Variants in CCN4 observed in about 807,000 individuals in gnomAD.
The protein encoded by CCN4 is cellular communication network factor 4, also known as CCN family member 4.
Under a neutral mutation model 36.7 loss-of-function variants are expected in CCN4, and 30 were observed. That is an observed-to-expected ratio of 0.82 (90% CI 0.61 to 1.11). The LOEUF (loss-of-function observed/expected upper bound fraction) is 1.11, where lower values mean the gene tolerates loss of function less well. CCN4 is among the 50% of genes least tolerant of loss of function. The probability of loss-of-function intolerance (pLI) is 0.00; values close to 1 mark genes in which losing one functional copy is unlikely to be tolerated. For missense variants in CCN4, 505 were observed against 504.9 expected, an observed-to-expected ratio of 1.00 and a Z score of 0.00; for synonymous variants, 191 against 195.4, an observed-to-expected ratio of 0.98 and a Z score of 0.19.
At chr8:133,199,059 T>G (rs548077817) in intron 1 of CCN4, among the ~76,000 whole-genome samples, 1 of 152,180 alleles carries the variant, frequency 6.6e-6, no homozygotes, top group African/African-American at 2.4e-5. Flanking sequence ...GGAACACCAC[T>G]GATTTTTTTT....
Position 133,227,882 on chromosome 8 carries a change from C to T in CCN4, c.*172C>T. On this transcript the variant is annotated 3_prime_UTR_variant, in exon 5 of 5. Coordinates refer to ENST00000250160, the MANE Select transcript of CCN4 (RefSeq NM_003882.4). ...CCTGATGGTGCTGCTCAGGCCCATG[C>T]TATGAGTTTTCTCCTTGATATCATT... 1 of 717,296 alleles carries T rather than the reference C, an allele frequency of 1.4e-6. No homozygotes were observed. Among genetic ancestry groups the T allele is most frequent in the South Asian group, 2.0e-5 (1 of 49,610 alleles). The allele number at this position is 717,296 out of a possible 1,614,324, so 44.4% of individuals were successfully genotyped here. A position where few individuals can be genotyped will look rare whatever the true frequency, so the allele number is the denominator to read the frequency against.
intron 3 of CCN4, among the ~76,000 whole-genome samples, chr8:133,223,628 T>G (rs1300673020): frequency 6.8e-6 from 1 of 147,400 alleles, no homozygotes; most frequent in African/African-American, 2.5e-5. Flanking sequence ...TTCCTCCTGT[T>G]TCTTTCTCTC....
intron 2 of CCN4, among the ~76,000 whole-genome samples, chr8:133,213,721 AAATAT>A (rs1466993879): frequency 5.4e-5 from 8 of 147,536 alleles, no homozygotes; most frequent in African/African-American, 1.5e-4. Context: ...TATAGTATAG[AAATAT>A]AATATAAAGA....
At chr8:133,224,864 G>A (rs1854669081) in intron 3 of CCN4, among the ~76,000 whole-genome samples, 1 of 151,752 alleles carries the variant, frequency 6.6e-6, no homozygotes, top group South Asian at 2.1e-4. Flanking sequence ...AAACCCAGGA[G>A]GCGGAGGTTG....
chr8:133,213,027 T>C lies in CCN4; in HGVS notation c.233T>C (p.Met78Thr). 6.2e-7 allele frequency: 1 copy of C among 1,614,172 alleles called. No individual in the cohort carries two copies. The highest frequency in any genetic ancestry group is 8.5e-7 in the Non-Finnish European group (1 of 1,180,004). ...ACAGATGGCTGTGAGTGCTGTAAGA[T>C]GTGCGCTCAGCAGCTTGGGGACAAC... is the stretch of plus-strand genomic sequence containing the variant. ...LITDGCECCK[M>T]CAQQLGDNCT... is the part of the protein sequence containing the mutation. The change falls in exon 2 of 5, where the codon ATG becomes ACG. Residue 78 changes from methionine to threonine, a missense_variant. Transcript: ENST00000250160.
At chr8:133,208,279 C>T (rs980973519) in intron 1 of CCN4, among the ~76,000 whole-genome samples, 4 of 152,110 alleles carry the variant, frequency 2.6e-5, no homozygotes, top group Admixed American at 2.0e-4. Flanking sequence ...CCAGCTGTGA[C>T]CTCATATGAT....
chr8:133,215,542 G>A (rs980260043), intron 2 of CCN4, among the ~76,000 whole-genome samples: 1 of 152,104 alleles, frequency 6.6e-6, no homozygotes, highest in African/African-American at 2.4e-5. Flanking sequence ...GTTCTGTCAT[G>A]GATCCAAAGA....
At chr8:133,208,441 C>A (rs929162084) in intron 1 of CCN4, among the ~76,000 whole-genome samples, 1 of 152,176 alleles carries the variant, frequency 6.6e-6, no homozygotes, top group Non-Finnish European at 1.5e-5. Context: ...ACAAATCTAA[C>A]CCTGCCATCC....
In CCN4 at chr8:133,225,432, C is replaced by T; in HGVS notation, c.653C>T (p.Ala218Val). 1 of 1,613,498 alleles carries T rather than the reference C, an allele frequency of 6.2e-7. No individual in the cohort carries two copies. Among genetic ancestry groups the T allele is most frequent in the Non-Finnish European group, 8.5e-7 (1 of 1,179,688 alleles). Residue 218 changes from alanine (A) to valine (V), a missense_variant, in exon 4 of 5, where the codon GCC becomes GTC. Coordinates refer to ENST00000250160, the MANE Select transcript of CCN4 (RefSeq NM_003882.4). Reference sequence around the variant, plus strand: ...GAGGCATGGCACAGGAACTGCATAGCCTACACAAGCCCCTGGAGCCCTTGC... The same window carrying T: ...GAGGCATGGCACAGGAACTGCATAGTCTACACAAGCCCCTGGAGCCCTTGC... Reference protein sequence around the residue: ...EVEAWHRNCIAYTSPWSPCST... With the variant: ...EVEAWHRNCIVYTSPWSPCST...
At position 133,228,870 on chromosome 8, in the gene CCN4, C is replaced by G. The variant is rs569907417; in HGVS notation, c.*1160C>G. On this transcript the variant is annotated 3_prime_UTR_variant, in exon 5 of 5. Coordinates refer to ENST00000250160, the MANE Select transcript of CCN4 (RefSeq NM_003882.4). ...TTCTGCTGACCAAATGGCCAGTTTT[C>G]TGGTAGGAAGATGGAGGTTTACCGG... The G allele has an allele frequency of 3.9e-5, 6 of 152,134 alleles. No individual in the cohort carries two copies. The South Asian group carries it at 1.2e-3, about 32-fold the overall frequency. The allele number at this position is 152,134 out of a possible 1,614,324, so 9.4% of individuals were successfully genotyped here.
Position 133,227,943 on chromosome 8 carries a change from CTGTTCTG to C in CCN4, c.*234_*240del. On this transcript the variant is annotated 3_prime_UTR_variant, in exon 5 of 5. Transcript: ENST00000250160. ...TCTAAAGAAAAATGCCTGTCTCTAG[CTGTTCTG>C]GACTACACCCAAGCCTGATCCAGCC... 1.9e-6 allele frequency: 1 copy of C among 515,442 alleles called. No individual in the cohort carries two copies. The highest frequency in any genetic ancestry group is 2.8e-5 in the South Asian group (1 of 35,188). 31.9% of individuals were successfully genotyped at this position (515,442 alleles called of 1,614,324 possible). A position where few individuals can be genotyped will look rare whatever the true frequency, so the allele number is the denominator to read the frequency against.
rs1853695880 is a variant in CCN4, at chr8:133,204,477, T to C, written c.70-8387T>C. 2.0e-5 allele frequency among the ~76,000 whole-genome samples: 3 copies of C among 152,172 alleles called. 1 individual carries two copies. In the South Asian group the frequency reaches 6.2e-4, roughly 32 times the overall value. On this transcript the variant is annotated intron_variant, in intron 1 of 4. Coordinates refer to ENST00000250160, the MANE Select transcript of CCN4 (RefSeq NM_003882.4). Reference sequence around the variant, plus strand: ...GTTCTAAGGCAGTGGTTCCTATTTCTATAAAAATTCCCAAGGGTTGCTGGT... The same window carrying C: ...GTTCTAAGGCAGTGGTTCCTATTTCCATAAAAATTCCCAAGGGTTGCTGGT...
chr8:133,202,210 C>T (rs774699470), intron 1 of CCN4, among the ~76,000 whole-genome samples: 4 of 152,200 alleles, frequency 2.6e-5, no homozygotes, highest in Non-Finnish European at 5.9e-5. Context: ...AAAGGAGTAG[C>T]TCCCGATGAA....
At chr8:133,194,880 T>C (rs568984540) in intron 1 of CCN4, among the ~76,000 whole-genome samples, 2 of 137,492 alleles carry the variant, frequency 1.5e-5, no homozygotes, top group Non-Finnish European at 3.1e-5. Context: ...GGTGTGTTTT[T>C]GTGTGTGTAT....
intron 1 of CCN4, among the ~76,000 whole-genome samples, chr8:133,205,225 C>T (rs1336719025): frequency 3.3e-5 from 5 of 152,242 alleles, no homozygotes; most frequent in African/African-American, 1.2e-4. Context: ...TGGCCACCAC[C>T]TCTGTCTTCC....
Position 133,227,807 on chromosome 8 carries a change from C to G in CCN4, c.*97C>G. 2.2e-6 allele frequency: 3 copies of G among 1,337,824 alleles called. No individual in the cohort carries two copies. The highest frequency in any genetic ancestry group is 2.0e-6 in the Non-Finnish European group (2 of 982,346). The allele number at this position is 1,337,824 out of a possible 1,614,324, so 82.9% of individuals were successfully genotyped here. A position where few individuals can be genotyped will look rare whatever the true frequency, so the allele number is the denominator to read the frequency against. ...TTTTCACCAATGAGCCTTAGTTACC[C>G]TGATCTGGACCCTTGGCCTCCATTT... is the stretch of plus-strand genomic sequence containing the variant. On this transcript the variant is annotated 3_prime_UTR_variant, in exon 5 of 5. Transcript: ENST00000250160.
intron 2 of CCN4, among the ~76,000 whole-genome samples, chr8:133,214,016 TAGTTATACATAC>T (rs1242629629): frequency 0.03 from 43 of 1,434 alleles, no homozygotes; most frequent in South Asian, 0.083. Context: ...CTATATATAG[TAGTTATACATAC>T]TATATATACA....
At chr8:133,222,217 G>A (rs2130613927) in intron 3 of CCN4, among the ~76,000 whole-genome samples, 1 of 152,276 alleles carries the variant, frequency 6.6e-6, no homozygotes, top group Middle Eastern at 3.4e-3. Flanking sequence ...GGGAGTAGAG[G>A]CAGTGAAGAA....
At chr8:133,203,097 C>T (rs1853647095) in intron 1 of CCN4, among the ~76,000 whole-genome samples, 1 of 152,202 alleles carries the variant, frequency 6.6e-6, no homozygotes, top group Non-Finnish European at 1.5e-5. Context: ...TATCTAGGTG[C>T]GGCCTCCGAA....
Sources: gnomAD v4.1 joint callset for allele counts (sites outside exome capture counted in the v4.1 genomes callset) on GRCh38, gnomAD v4.1.1 for gene constraint, MANE v1.5 for transcripts, NCBI Gene and HGNC (gene_info 2026-07-23, HGNC 2026-07-21) for gene names.